Variants in ANKHD1 observed in about 807,000 individuals in gnomAD.
The protein encoded by ANKHD1 is ankyrin repeat and KH domain containing 1, also known as ankyrin repeat and KH domain-containing protein 1.
In ANKHD1, 31 loss-of-function variants were observed where a neutral mutation model predicts 230.5. The ratio of observed to expected loss-of-function variants is 0.13; its 90% CI spans 0.10 to 0.18. The LOEUF is 0.18. Ranked by LOEUF, ANKHD1 falls within the 10% of genes least tolerant of loss-of-function variation. ANKHD1 has a pLI of 1.00. For synonymous variants in ANKHD1, 1,074 were observed against 1,117.6 expected, an observed-to-expected ratio of 0.96 and a Z score of 0.78; for missense variants, 2,256 against 3,071.3, an observed-to-expected ratio of 0.73 and a Z score of 6.27.
intron 1 of ANKHD1, 103 bp downstream of exon 1, chr5:140,402,376 TC>T (rs1284211346): frequency 7.4e-7 from 1 of 1,357,590 alleles, no homozygotes; most frequent in Non-Finnish European, 9.5e-7. Flanking sequence ...GTGGAGCCCT[TC>T]TGTGACAGCG....
At chr5:140,408,019 A>T (rs1770616022) in intron 1 of ANKHD1, among the ~76,000 whole-genome samples, 1 of 152,128 alleles carries the variant, frequency 6.6e-6, no homozygotes, top group Non-Finnish European at 1.5e-5. Context: ...TCTACTAAAA[A>T]TACAAAAATT....
intron 2 of ANKHD1, among the ~76,000 whole-genome samples, chr5:140,437,094 A>G (rs958662113): frequency 1.3e-5 from 2 of 152,208 alleles, no homozygotes; most frequent in African/African-American, 4.8e-5. Context: ...TTGAACATAC[A>G]TGATTGTTAT....
chr5:140,462,726 A>AAAAAAAAAAT (rs1349686292), intron 9 of ANKHD1, among the ~76,000 whole-genome samples: 1 of 149,486 alleles, frequency 6.7e-6, no homozygotes, highest in African/African-American at 2.4e-5. Context: ...CTCCATCTCA[A>AAAAAAAAAAT]AAAAAAAAAA....
At position 140,459,255 on chromosome 5, in the gene ANKHD1, T is replaced by A. The variant is rs754593627; in HGVS notation, c.1572T>A (p.Leu524=). Residue 524 remains leucine (L), a synonymous_variant, in exon 9 of 34, where the codon CTT becomes CTA. Coordinates refer to ENST00000360839, the MANE Select transcript of ANKHD1 (RefSeq NM_017747.3). ...GATTTTCTGAAGTTGCAGACTTTCT[T>A]ATTAAGGCAGGGGCTGATATAGAAC... ...CGGFSEVADF[L]IKAGADIELG... 5 of 1,603,578 alleles carry A rather than the reference T, an allele frequency of 3.1e-6. No homozygotes were observed. In the Admixed American group the frequency reaches 8.4e-5, roughly 27 times the overall value.
chr5:140,435,726 G>A (rs932491411), intron 1 of ANKHD1, among the ~76,000 whole-genome samples: 3 of 151,832 alleles, frequency 2.0e-5, no homozygotes, highest in Non-Finnish European at 2.9e-5. Flanking sequence ...ATAGATATGG[G>A]GTTTCACCTT....
chr5:140,505,580 G>T, intron 17 of ANKHD1, 144 bp from the exon 18 acceptor site: 1 of 1,249,192 alleles, frequency 8.0e-7, no homozygotes, highest in Non-Finnish European at 1.1e-6. Context: ...AACAAATTAG[G>T]GTTTAGAGCA....
intron 1 of ANKHD1, among the ~76,000 whole-genome samples, chr5:140,415,955 A>G (rs1210902482): frequency 6.6e-6 from 1 of 151,828 alleles, no homozygotes; most frequent in African/African-American, 2.4e-5. Context: ...ACCCCACGAC[A>G]GGCCCCGGTG....
rs1166543768 is a variant in ANKHD1 at position 140,538,928 on chromosome 5, A to G, written c.7414A>G (p.Ile2472Val). ...GFVDFSKGLPISMYGGTIIPS... is the reference protein window; with the variant it reads ...GFVDFSKGLPVSMYGGTIIPS... ...TTTCCTGCTGTTTTAGGGTCTGCCA[A>G]TTTCCATGTATGGAGGCACCATAAT... The change falls in exon 33 of 34, where the codon ATT (isoleucine) becomes GTT (valine). Residue 2472 changes from isoleucine (I) to valine (V), a missense_variant. Ile to Val is a conservative substitution (Grantham distance 29). Transcript: ENST00000360839. The G allele has an allele frequency of 7.1e-6, 11 of 1,541,632 alleles. No individual in the cohort carries two copies. The highest frequency in any genetic ancestry group is 1.3e-5 in the South Asian group (1 of 78,088).
chr5:140,488,900 A>G (rs932606477), intron 14 of ANKHD1, among the ~76,000 whole-genome samples: 16 of 151,968 alleles, frequency 1.1e-4, no homozygotes, highest in African/African-American at 3.4e-4. Context: ...ACTCTCAGAA[A>G]AAAATTAGTG....
chr5:140,497,011 CA>C lies in ANKHD1; in HGVS notation c.2739del (p.Gln913HisfsTer29). On this transcript the variant is annotated frameshift_variant, in exon 15 of 34. Coordinates refer to ENST00000360839, the MANE Select transcript of ANKHD1 (RefSeq NM_017747.3). LOFTEE classifies it high-confidence loss of function. ...TAAAGATAATGATGTTGATGATGAG[CA>C]ACAGTCTCCACCATCGGCAGAACAG... ...LFKDNDVDDE[Q>X]QSPPSAEQID... 6.2e-7 allele frequency: 1 copy of C among 1,614,172 alleles called. No individual in the cohort carries two copies. Among genetic ancestry groups the C allele is most frequent in the Non-Finnish European group, 8.5e-7 (1 of 1,180,020 alleles).
chr5:140,444,758 A>G (rs987896562), intron 5 of ANKHD1, among the ~76,000 whole-genome samples: 3 of 152,188 alleles, frequency 2.0e-5, no homozygotes, highest in Non-Finnish European at 4.4e-5. Flanking sequence ...GAGTTGTACA[A>G]TCTAATTGTA....
chr5:140,532,613 T>C (rs2127094620), intron 29 of ANKHD1, among the ~76,000 whole-genome samples: 1 of 152,210 alleles, frequency 6.6e-6, no homozygotes, highest in Non-Finnish European at 1.5e-5. Context: ...CAGAGTTTCT[T>C]TTTAGGATAA....
chr5:140,496,629 G>T lies in ANKHD1; in HGVS notation c.2355G>T (p.Lys785Asn). The T allele has an allele frequency of 6.2e-7, 1 of 1,613,784 alleles. No homozygotes were observed. The highest frequency in any genetic ancestry group is 8.5e-7 in the Non-Finnish European group (1 of 1,179,982). Residue 785 changes from lysine to asparagine, a missense_variant, in exon 15 of 34, where the codon AAG becomes AAT. Physicochemically the swap from Lys to Asn is moderately conservative, Grantham distance 94. Around this residue, in one of 13 missense-constraint regions of ANKHD1, gnomAD observed 358 missense variants for 397.7 expected, o/e 0.90. Coordinates refer to ENST00000360839, the MANE Select transcript of ANKHD1 (RefSeq NM_017747.3). ...GCATAGTAGAGGAGACTGAAGGCAA[G>T]CTGAATGAACTGGGACAAAGAATTA... The part of the protein sequence containing the change: ...LECIVEETEG[K>N]LNELGQRISA...
intron 6 of ANKHD1, among the ~76,000 whole-genome samples, chr5:140,446,575 G>A (rs1201429538): frequency 3.3e-5 from 5 of 152,056 alleles, no homozygotes; most frequent in Admixed American, 3.3e-4. Flanking sequence ...TGGCCAGGCT[G>A]GTCTTGAACT....
intron 1 of ANKHD1, among the ~76,000 whole-genome samples, chr5:140,427,493 C>T (rs1251605651): frequency 3.9e-5 from 5 of 129,856 alleles, no homozygotes; most frequent in African/African-American, 1.5e-4. Flanking sequence ...CCAGTAGGGG[C>T]GGCCGGGCAG....
chr5:140,419,858 CTTTCT>C (rs1437343274), intron 1 of ANKHD1, among the ~76,000 whole-genome samples: 111 of 102,790 alleles, frequency 1.1e-3, no homozygotes, highest in African/African-American at 4.0e-3. Flanking sequence ...TTCTTTTTTT[CTTTCT>C]TTTCTTTCTT....
At position 140,513,315 on chromosome 5, in the gene ANKHD1, T is replaced by C. The variant is rs770812030; in HGVS notation, c.4201-48T>C. ...AATGTGCTCATCAGCTTAAGTTTTA[T>C]TTGGCCTCTTTCATTATATATTTAC... On this transcript the variant is annotated intron_variant, in intron 23 of 33. Coordinates refer to ENST00000360839, the MANE Select transcript of ANKHD1 (RefSeq NM_017747.3). The C allele has an allele frequency of 4.5e-6, 7 of 1,543,456 alleles. No homozygotes were observed. In the East Asian group the frequency reaches 9.3e-5, roughly 21 times the overall value.
intron 10 of ANKHD1, among the ~76,000 whole-genome samples, chr5:140,470,946 G>A (rs1186093457): frequency 2.0e-5 from 3 of 151,850 alleles, no homozygotes; most frequent in Non-Finnish European, 4.4e-5. Flanking sequence ...TTCTAAATGT[G>A]GTTTTCATGG....
In ANKHD1 at chr5:140,485,508, A is replaced by G; in HGVS notation, c.1999-81A>G. ...GATCTATCTTAGTGCTTAGTATTTAATACTGTTTAAATGAGTTTTGATTTT... is the reference window on the plus strand; with the variant it reads ...GATCTATCTTAGTGCTTAGTATTTAGTACTGTTTAAATGAGTTTTGATTTT... On this transcript the variant is annotated intron_variant, in intron 12 of 33. Coordinates refer to ENST00000360839, the MANE Select transcript of ANKHD1 (RefSeq NM_017747.3). This position sits in a 1 kb window ranked among gnomAD's most constrained non-coding sequence, Gnocchi z 4.8. 1.9e-6 allele frequency: 3 copies of G among 1,567,642 alleles called. No homozygotes were observed. The highest frequency in any genetic ancestry group is 3.5e-4 in the Middle Eastern group (2 of 5,756).
Sources: gnomAD v4.1 joint callset for allele counts (sites outside exome capture counted in the v4.1 genomes callset) on GRCh38, gnomAD v4.1.1 for gene constraint, gnomAD v4.1.1 regional missense constraint, Gnocchi (gnomAD v3.1) non-coding constraint, MANE v1.5 for transcripts, NCBI Gene and HGNC (gene_info 2026-07-23, HGNC 2026-07-21) for gene names.